ZIM3: variants seen among roughly 807,000 people sequenced by gnomAD.
ZIM3 encodes zinc finger imprinted 3, also known as zinc finger protein 657.
A neutral mutation model predicts 12.9 loss-of-function variants in ZIM3; 11 were observed. The observed-to-expected ratio is 0.85, with a 90% CI of 0.54 to 1.41. The LOEUF is 1.41. ZIM3 is among the 40% of genes most tolerant of loss of function. ZIM3 has a pLI of 0.00. For missense variants in ZIM3, 604 were observed against 557.2 expected (o/e 1.08, Z -0.85); for synonymous variants, 205 against 198.5 (o/e 1.03, Z -0.28).
At chr19:57,140,880 G>A (rs1230514952) in intron 2 of ZIM3, among the ~76,000 whole-genome samples, 3 of 152,140 alleles carry the variant, frequency 2.0e-5, no homozygotes, top group Non-Finnish European at 2.9e-5. Context: ...TGGTCTTTCA[G>A]CTATCCATAA....
chr19:57,143,282 G>A (rs1244234104), intron 1 of ZIM3, among the ~76,000 whole-genome samples: 4 of 150,950 alleles, frequency 2.6e-5, no homozygotes, highest in Admixed American at 2.0e-4. Context: ...AGTGAGCCGA[G>A]ATCGCGCCAC....
In ZIM3 at chr19:57,138,420, T is replaced by C; in HGVS notation, c.142+52A>G. ...TATTTGGCCAGCCATGGGGTGTCTG[T>C]GTGTTTCACGCCTTAGGTTTTGAGT... On this transcript the variant is annotated intron_variant, in intron 3 of 4. Coordinates refer to ENST00000269834, the MANE Select transcript of ZIM3 (RefSeq NM_052882.1). 4 of 1,613,276 alleles carry C rather than the reference T, an allele frequency of 2.5e-6. No homozygotes were observed. The South Asian group carries it at 3.3e-5, about 13-fold the overall frequency.
rs921330835 is a variant in ZIM3 at position 57,139,375 on chromosome 19, TA to T, written c.16-778del. On this transcript the variant is annotated intron_variant, in intron 2 of 4. Coordinates refer to ENST00000269834, the MANE Select transcript of ZIM3 (RefSeq NM_052882.1). ...AAGAAAAGAAAAGAAAATGTTATTA[TA>T]TTTTTTTTCTATTTTCCATTTTTCT... Among the ~76,000 whole-genome samples, 14 of 151,830 alleles carry T rather than the reference TA, an allele frequency of 9.2e-5. 1 individual carries two copies. Among genetic ancestry groups the T allele is most frequent in the Admixed American group, 6.6e-4 (10 of 15,212 alleles).
Position 57,134,907 on chromosome 19 carries a change from G to A in ZIM3, c.*11C>T, listed in dbSNP as rs371769782. Reference sequence around the variant, plus strand: ...CATATCTTCCCATGTTTTTTTAAGTGCATGGGGCTCCTATCTGGAGTGAAT... The same window carrying A: ...CATATCTTCCCATGTTTTTTTAAGTACATGGGGCTCCTATCTGGAGTGAAT... On this transcript the variant is annotated 3_prime_UTR_variant, in exon 5 of 5. Transcript: ENST00000269834. The A allele has an allele frequency of 2.0e-5, 32 of 1,594,630 alleles. No homozygotes were observed. The highest frequency in any genetic ancestry group is 2.7e-5 in the Non-Finnish European group (32 of 1,170,284).
chr19:57,137,067 T>A, intron 3 of ZIM3, 96 bp from the exon 4 acceptor site: 2 of 1,103,276 alleles, frequency 1.8e-6, no homozygotes, highest in Admixed American at 1.8e-5. Flanking sequence ...TATGCTTGTG[T>A]GAATATTTGT....
At chr19:57,136,151 AATAAAATGCC>A in intron 4 of ZIM3, 56 bp from the exon 5 acceptor site, 1 of 1,454,624 alleles carries the variant, frequency 6.9e-7, no homozygotes, top group Non-Finnish European at 9.4e-7. Context: ...ACATGCTTGA[AATAAAATGCC>A]ATAAACAATC....
chr19:57,137,042 A>T, intron 3 of ZIM3, 71 bp from the exon 4 acceptor site: 1 of 1,443,882 alleles, frequency 6.9e-7, no homozygotes, highest in Non-Finnish European at 9.8e-7. Flanking sequence ...GTATGAGTGT[A>T]TATAAGCGCT....
chr19:57,135,195 T>A lies in ZIM3; in HGVS notation c.1142A>T (p.His381Leu), dbSNP rs2086880084. 1 of 1,613,780 alleles carries A rather than the reference T, an allele frequency of 6.2e-7. No individual in the cohort carries two copies. Among genetic ancestry groups the A allele is most frequent in the African/African-American group, 1.3e-5 (1 of 74,884 alleles). The change falls in exon 5 of 5, where the codon CAT (histidine) becomes CTT (leucine). Residue 381 changes from histidine to leucine, a missense_variant. Transcript: ENST00000269834. ...TFIQKKNLIQHKKIHTGEKPY... is the reference protein window; with the variant it reads ...TFIQKKNLIQLKKIHTGEKPY... ...CTTTTCCCCAGTATGGATTTTTTTA[T>A]GTTGAATGAGGTTTTTCTTCTGGAT... is the stretch of plus-strand genomic sequence containing the variant.
chr19:57,135,033 C>G lies in ZIM3; in HGVS notation c.1304G>C (p.Ser435Thr). Reference protein sequence around the residue: ...GKTFIRKLNLSLHKKTHTGQK... With the variant: ...GKTFIRKLNLTLHKKTHTGQK... ...TCCAGTATGGGTTTTTTTATGCAAACTAAGGTTTAATTTCCGGATGAAGGT... is the reference window on the plus strand; with the variant it reads ...TCCAGTATGGGTTTTTTTATGCAAAGTAAGGTTTAATTTCCGGATGAAGGT... The change falls in exon 5 of 5, where the codon AGT (serine) becomes ACT (threonine). Residue 435 changes from serine (S) to threonine (T), a missense_variant. Physicochemically the swap from Ser to Thr is moderately conservative, Grantham distance 58 (BLOSUM62 1). Transcript: ENST00000269834. The G allele has an allele frequency of 6.2e-7, 1 of 1,614,060 alleles. No homozygotes were observed. The highest frequency in any genetic ancestry group is 2.2e-5 in the East Asian group (1 of 44,864).
chr19:57,141,488 TTTTTTGTTTTTG>T (rs371021271), intron 2 of ZIM3, among the ~76,000 whole-genome samples: 3,245 of 151,872 alleles, frequency 0.021, 41 homozygotes, highest in African/African-American at 0.032. Flanking sequence ...GGGTTTTTTG[TTTTTTGTTTTTG>T]TTTTTGTTTT....
Position 57,138,503 on chromosome 19 carries a change from C to T in ZIM3, c.111G>A (p.Met37Ile). The part of the protein sequence containing the change: ...PEQRNLYRDV[M>I]LENYSNLVSV... ...AGACAAGGTTGCTGTAATTCTCCAGCATCACATCCCTGTACAAGTTTCTCT... is the reference window on the plus strand; with the variant it reads ...AGACAAGGTTGCTGTAATTCTCCAGTATCACATCCCTGTACAAGTTTCTCT... Residue 37 changes from methionine (M) to isoleucine (I), a missense_variant, in exon 3 of 5, where the codon ATG (methionine) becomes ATA (isoleucine). Met to Ile is a conservative substitution (Grantham distance 10, BLOSUM62 1). Coordinates refer to ENST00000269834, the MANE Select transcript of ZIM3 (RefSeq NM_052882.1). 2.5e-6 allele frequency: 4 copies of T among 1,614,200 alleles called. No homozygotes were observed. The highest frequency in any genetic ancestry group is 1.1e-5 in the South Asian group (1 of 91,078).
chr19:57,137,928 A>C (rs1226968529), intron 3 of ZIM3, among the ~76,000 whole-genome samples: 86 of 34,528 alleles, frequency 2.5e-3, no homozygotes, highest in Non-Finnish European at 3.7e-3. Flanking sequence ...GGAAAGAAGG[A>C]AGGAAGGAAG....
chr19:57,139,444 G>A (rs1188434991), intron 2 of ZIM3, among the ~76,000 whole-genome samples: 2 of 151,570 alleles, frequency 1.3e-5, no homozygotes, highest in Non-Finnish European at 2.9e-5. Flanking sequence ...TTTAAATAGA[G>A]GCCTGGCATG....
chr19:57,140,324 G>C (rs951861486), intron 2 of ZIM3, among the ~76,000 whole-genome samples: 2 of 151,942 alleles, frequency 1.3e-5, no homozygotes, highest in East Asian at 1.9e-4. Flanking sequence ...TTACAGGCGC[G>C]CACCACGACA....
At chr19:57,141,562 C>A (rs1225859806) in intron 2 of ZIM3, among the ~76,000 whole-genome samples, 1 of 151,878 alleles carries the variant, frequency 6.6e-6, no homozygotes, top group Non-Finnish European at 1.5e-5. Flanking sequence ...AAGCTTGAAA[C>A]CTGTATTTGT....
At position 57,143,664 on chromosome 19, in the gene ZIM3, C is replaced by A. The variant is rs532600851; in HGVS notation, c.-42-979G>T. The stretch of plus-strand genomic sequence containing the variant: ...AGCCAAGGTGGGAGGATCAGTTGAG[C>A]CCAGGAGTTACTTTTTTTTTTTTTT... On this transcript the variant is annotated intron_variant, in intron 1 of 4. Coordinates refer to ENST00000269834, the MANE Select transcript of ZIM3 (RefSeq NM_052882.1). Among the ~76,000 whole-genome samples, 5 of 146,040 alleles carry A rather than the reference C, an allele frequency of 3.4e-5. No homozygotes were observed. The Admixed American group carries it at 3.7e-4, about 11-fold the overall frequency.
In ZIM3 at chr19:57,135,673, G is replaced by T. The variant is rs754252389; in HGVS notation, c.664C>A (p.Pro222Thr). 7.4e-6 allele frequency: 12 copies of T among 1,613,016 alleles called. No individual in the cohort carries two copies. The change falls in exon 5 of 5, where the codon CCC (proline) becomes ACC (threonine). Residue 222 changes from proline to threonine, a missense_variant. Pro to Thr is a conservative substitution (Grantham distance 38). Coordinates refer to ENST00000269834, the MANE Select transcript of ZIM3 (RefSeq NM_052882.1). Reference protein sequence around the residue: ...KHQKTHAEERPYKCENCGNAY... With the variant: ...KHQKTHAEERTYKCENCGNAY... ...TTTCCACAGTTCTCACATTTATAGG[G>T]CCTTTCCTCTGCGTGAGTTTTCTGA...
intron 2 of ZIM3, 118 bp from the exon 3 acceptor site, chr19:57,138,716 G>T (rs1218158145): frequency 1.5e-6 from 2 of 1,327,272 alleles, no homozygotes; most frequent in African/African-American, 1.5e-5. Context: ...CTCTACTCTG[G>T]ATGAAAATAA....
intron 2 of ZIM3, among the ~76,000 whole-genome samples, chr19:57,138,989 G>A (rs1268095551): frequency 6.6e-6 from 1 of 152,106 alleles, no homozygotes; most frequent in Non-Finnish European, 1.5e-5. Flanking sequence ...CCAGGAGTTT[G>A]AGGCTAGCTG....
Sources: allele counts gnomAD v4.1 joint callset (sites outside exome capture counted in the v4.1 genomes callset), GRCh38; gene constraint gnomAD v4.1.1; transcripts MANE v1.5; gene names NCBI Gene and HGNC (gene_info 2026-07-23, HGNC 2026-07-21).